RPH3A: variants seen among roughly 807,000 people sequenced by gnomAD.
The protein encoded by RPH3A is rabphilin-3A.
A neutral mutation model predicts 102.2 loss-of-function variants in RPH3A; 48 were observed. That is an observed-to-expected ratio of 0.47 (90% CI 0.37 to 0.60). The LOEUF is 0.60. Ranked by LOEUF, RPH3A falls within the 20% of genes least tolerant of loss-of-function variation. RPH3A has a pLI of 0.00. For synonymous variants in RPH3A, 310 were observed against 324.3 expected (o/e 0.96, Z 0.47); for missense variants, 781 against 910.1 (o/e 0.86, Z 1.83).
At chr12:112,594,071 A>G (rs2039497713) in intron 1 of RPH3A, among the ~76,000 whole-genome samples, 1 of 152,228 alleles carries the variant, frequency 6.6e-6, no homozygotes, top group Admixed American at 6.5e-5. Flanking sequence ...TGTTGGTTGA[A>G]TAAAGACAGT....
intron 1 of RPH3A, among the ~76,000 whole-genome samples, chr12:112,695,528 T>C (rs1050913656): frequency 6.6e-6 from 1 of 152,246 alleles, no homozygotes; most frequent in African/African-American, 2.4e-5. Flanking sequence ...AAGGAACAAA[T>C]GGATCTTAAG....
intron 2 of RPH3A, among the ~76,000 whole-genome samples, chr12:112,796,783 T>C (rs1485134947): frequency 6.6e-6 from 1 of 152,070 alleles, no homozygotes; most frequent in African/African-American, 2.4e-5. Flanking sequence ...GGTGGGGTGG[T>C]TCATGCCTGT....
intron 1 of RPH3A, among the ~76,000 whole-genome samples, chr12:112,681,168 A>G (rs1014848091): frequency 3.3e-5 from 5 of 152,032 alleles, no homozygotes; most frequent in South Asian, 2.1e-4. Flanking sequence ...CACCTCCCCA[A>G]TGGCCAAGCC....
rs1683538707 is a variant in RPH3A at position 112,854,340 on chromosome 12, A to G, written c.230+6498A>G. Among the ~76,000 whole-genome samples the G allele has an allele frequency of 2.0e-5, 3 of 152,246 alleles. No homozygotes were observed. The South Asian group carries it at 6.2e-4, about 31-fold the overall frequency. ...GGACTGCGATTTTTCTTGCAATAGT[A>G]ACTCAACTTCTAGCAAAATAATCAC... is the stretch of plus-strand genomic sequence containing the variant. On this transcript the variant is annotated intron_variant, in intron 5 of 21. Transcript: ENST00000389385.
intron 1 of RPH3A, among the ~76,000 whole-genome samples, chr12:112,599,668 A>T (rs764705351): frequency 6.6e-6 from 1 of 152,242 alleles, no homozygotes; most frequent in Non-Finnish European, 1.5e-5. Flanking sequence ...AAAAATTTTA[A>T]CTGTAAAAGA....
At chr12:112,814,973 T>G (rs1437950962) in intron 2 of RPH3A, among the ~76,000 whole-genome samples, 1 of 152,130 alleles carries the variant, frequency 6.6e-6, no homozygotes, top group Non-Finnish European at 1.5e-5. Flanking sequence ...GTCCTTAACG[T>G]CTCTAGGCTT....
rs1343595581 is a variant in RPH3A, at chr12:112,883,349, G to A, written c.1383G>A (p.Glu461=). The change falls in exon 16 of 22, where the codon GAG becomes GAA. Residue 461 remains glutamate (E), a synonymous_variant. Transcript: ENST00000389385. The stretch of plus-strand genomic sequence containing the variant: ...ATACCCGGAACCCCATCTGGAATGA[G>A]ACCCTCGTGTATCACGGCATCACCG... The part of the protein sequence containing the change: ...LRNTRNPIWN[E]TLVYHGITDE... The A allele has an allele frequency of 6.2e-7, 1 of 1,614,146 alleles. No homozygotes were observed. Among genetic ancestry groups the A allele is most frequent in the Non-Finnish European group, 8.5e-7 (1 of 1,180,020 alleles).
intron 2 of RPH3A, among the ~76,000 whole-genome samples, chr12:112,822,529 A>G (rs1370560479): frequency 1.3e-5 from 2 of 152,190 alleles, no homozygotes; most frequent in Non-Finnish European, 2.9e-5. Flanking sequence ...GAGCCAGGGG[A>G]GAAGCAGGCA....
At chr12:112,820,060 G>A (rs2041751373) in intron 2 of RPH3A, among the ~76,000 whole-genome samples, 1 of 152,146 alleles carries the variant, frequency 6.6e-6, no homozygotes, top group Non-Finnish European at 1.5e-5. Flanking sequence ...TATTTTTTGT[G>A]ATCAATTCAC....
intron 4 of RPH3A, among the ~76,000 whole-genome samples, chr12:112,842,401 G>A (rs1002210905): frequency 2.6e-5 from 4 of 152,172 alleles, no homozygotes; most frequent in African/African-American, 7.2e-5. Flanking sequence ...TCACTAATAA[G>A]TATTCCCTTT....
At chr12:112,845,521 G>A (rs1478206626) in intron 4 of RPH3A, among the ~76,000 whole-genome samples, 1 of 152,214 alleles carries the variant, frequency 6.6e-6, no homozygotes, top group South Asian at 2.1e-4. Context: ...GGGCCCTGAA[G>A]CTTCATCTTC....
chr12:112,659,081 C>T (rs914655072), intron 1 of RPH3A, among the ~76,000 whole-genome samples: 1 of 152,038 alleles, frequency 6.6e-6, no homozygotes, highest in Non-Finnish European at 1.5e-5. Flanking sequence ...AATTTTTTTC[C>T]CACTGAATCA....
chr12:112,712,919 T>TTCTTCC (rs1207025644), intron 1 of RPH3A, among the ~76,000 whole-genome samples: 1 of 104,268 alleles, frequency 9.6e-6, no homozygotes, highest in Non-Finnish European at 1.8e-5. Context: ...CTTCTTCTTC[T>TTCTTCC]TCTTCCTCTT....
chr12:112,771,706 A>G (rs1269117997), intron 1 of RPH3A, among the ~76,000 whole-genome samples: 2 of 152,216 alleles, frequency 1.3e-5, no homozygotes, highest in Non-Finnish European at 2.9e-5. Flanking sequence ...TCACTTCTTC[A>G]TATGCTTACC....
At chr12:112,601,513 C>A (rs1479409898) in intron 1 of RPH3A, among the ~76,000 whole-genome samples, 1 of 151,776 alleles carries the variant, frequency 6.6e-6, no homozygotes. Context: ...GGTGAATCCC[C>A]CAAAAAACGT....
intron 5 of RPH3A, among the ~76,000 whole-genome samples, chr12:112,861,254 G>C (rs1363455140): frequency 1.3e-5 from 2 of 152,200 alleles, no homozygotes; most frequent in African/African-American, 4.8e-5. Context: ...GTCCAGAGAG[G>C]CAAAAGTCCA....
At chr12:112,742,241 G>C (rs1274008794) in intron 1 of RPH3A, among the ~76,000 whole-genome samples, 2 of 152,044 alleles carry the variant, frequency 1.3e-5, no homozygotes, top group Non-Finnish European at 2.9e-5. Context: ...TCTTCTTTGG[G>C]CCCCCTGTGG....
At chr12:112,660,383 T>TA (rs1487454951) in intron 1 of RPH3A, among the ~76,000 whole-genome samples, 14 of 152,186 alleles carry the variant, frequency 9.2e-5, no homozygotes, top group African/African-American at 3.4e-4. Flanking sequence ...AATCTTCCTA[T>TA]ATGTGAACAG....
intron 1 of RPH3A, among the ~76,000 whole-genome samples, chr12:112,619,534 T>C (rs769185000): frequency 1.3e-5 from 2 of 152,042 alleles, no homozygotes; most frequent in African/African-American, 2.4e-5. Context: ...CTGCCCACCT[T>C]GGCCTCCCAA....
Sources: gnomAD v4.1 joint callset for allele counts (sites outside exome capture counted in the v4.1 genomes callset) on GRCh38, gnomAD v4.1.1 for gene constraint, MANE v1.5 for transcripts, NCBI Gene and HGNC (gene_info 2026-07-23, HGNC 2026-07-21) for gene names.